ADAM32: variants seen among roughly 807,000 people sequenced by gnomAD.
ADAM32 encodes the protein ADAM metallopeptidase domain 32.
ADAM32 carries 89 observed loss-of-function variants against 114.9 expected under a neutral mutation model. That is an observed-to-expected ratio of 0.77 (90% CI 0.65 to 0.92). The LOEUF (loss-of-function observed/expected upper bound fraction) is 0.92. Ranked by LOEUF, ADAM32 falls within the 40% of genes least tolerant of loss-of-function variation. ADAM32 has a pLI of 0.00. For missense variants in ADAM32, 870 were observed against 932.8 expected (o/e 0.93, Z 0.88); for synonymous variants, 285 against 307.5 (o/e 0.93, Z 0.77).
Position 39,281,129 on chromosome 8 carries a change from T to C in ADAM32, c.2280-7T>C, listed in dbSNP as rs1042705319. 2.3e-6 allele frequency: 3 copies of C among 1,317,768 alleles called. No homozygotes were observed. The highest frequency in any genetic ancestry group is 3.0e-6 in the Non-Finnish European group (3 of 1,008,554). 81.6% of individuals were successfully genotyped at this position (1,317,768 alleles called of 1,614,324 possible). A position where few individuals can be genotyped will look rare whatever the true frequency, so the allele number is the denominator to read the frequency against. ...TTTAATATATATTGTTTTTAATTTATTTTTAGATCCAAATCAGAAGATAGT... is the reference window on the plus strand; with the variant it reads ...TTTAATATATATTGTTTTTAATTTACTTTTAGATCCAAATCAGAAGATAGT... On this transcript the variant is annotated splice_region_variant and splice_polypyrimidine_tract_variant and intron_variant, in intron 22 of 24. Transcript: ENST00000379907.
intron 23 of ADAM32, among the ~76,000 whole-genome samples, chr8:39,282,446 T>G (rs1173771577): frequency 6.6e-6 from 1 of 152,130 alleles, no homozygotes; most frequent in Non-Finnish European, 1.5e-5. Context: ...AGTAATAAAT[T>G]CAACTAGATT....
intron 22 of ADAM32, among the ~76,000 whole-genome samples, chr8:39,276,667 A>G (rs1813093064): frequency 6.6e-6 from 1 of 152,202 alleles, no homozygotes. Context: ...TACCTCTTCA[A>G]TAAGAATGCC....
At chr8:39,236,166 A>G (rs1299376320) in intron 16 of ADAM32, among the ~76,000 whole-genome samples, 1 of 152,198 alleles carries the variant, frequency 6.6e-6, no homozygotes, top group Non-Finnish European at 1.5e-5. Flanking sequence ...TCCATAATAT[A>G]ATGATAGACA....
intron 6 of ADAM32, 35 bp downstream of exon 6, chr8:39,151,583 C>T: frequency 7.4e-7 from 1 of 1,344,932 alleles, no homozygotes; most frequent in Non-Finnish European, 9.9e-7. Flanking sequence ...ACTTTTAAAG[C>T]AGTTATTACT....
At chr8:39,167,560 T>G (rs1327495558) in intron 9 of ADAM32, 1 of 152,174 alleles carries the variant, frequency 6.6e-6, no homozygotes, top group Non-Finnish European at 1.5e-5. Flanking sequence ...TTTAGAATTT[T>G]TTTTCTAATT....
At chr8:39,254,338 C>T in intron 17 of ADAM32, 76 bp from the exon 18 acceptor site, 1 of 1,230,628 alleles carries the variant, frequency 8.1e-7, no homozygotes, top group South Asian at 1.4e-5. Context: ...GATTATGGTA[C>T]AAAAGTAAGC....
intron 13 of ADAM32, 60 bp from the exon 14 acceptor site, chr8:39,222,980 T>C: frequency 2.2e-6 from 3 of 1,376,696 alleles, no homozygotes; most frequent in Non-Finnish European, 2.9e-6. Context: ...TTGAAGTAAA[T>C]ATTAACAAAC....
intron 19 of ADAM32, among the ~76,000 whole-genome samples, chr8:39,258,698 G>T (rs1169100406): frequency 6.6e-6 from 1 of 152,054 alleles, no homozygotes; most frequent in African/African-American, 2.4e-5. Context: ...TTTTAATTGT[G>T]TTGTTTCAAA....
intron 19 of ADAM32, among the ~76,000 whole-genome samples, chr8:39,270,596 G>A (rs962179056): frequency 2.0e-5 from 3 of 152,178 alleles, no homozygotes; most frequent in Admixed American, 1.3e-4. Flanking sequence ...GTCAAATCTA[G>A]ATTCTGTGTT....
chr8:39,202,464 G>A (rs1807491956), intron 11 of ADAM32, among the ~76,000 whole-genome samples: 2 of 152,042 alleles, frequency 1.3e-5, no homozygotes, highest in Admixed American at 1.3e-4. Flanking sequence ...CTGTGGGATC[G>A]GTGGTGATAT....
chr8:39,127,951 G>A (rs1292800048), intron 2 of ADAM32, among the ~76,000 whole-genome samples: 1 of 152,036 alleles, frequency 6.6e-6, no homozygotes, highest in Non-Finnish European at 1.5e-5. Context: ...CAGTTATTCA[G>A]GAACAGGTTG....
intron 6 of ADAM32, among the ~76,000 whole-genome samples, chr8:39,151,775 C>T (rs1803848862): frequency 6.6e-6 from 1 of 151,088 alleles, no homozygotes; most frequent in Non-Finnish European, 1.5e-5. Flanking sequence ...GCAATCCTCC[C>T]ACCTCAATCT....
At chr8:39,183,187 A>C (rs1195142841) in intron 10 of ADAM32, among the ~76,000 whole-genome samples, 1 of 151,720 alleles carries the variant, frequency 6.6e-6, no homozygotes, top group East Asian at 1.9e-4. Flanking sequence ...CTGGCGTGGC[A>C]CCTCCATTGG....
intron 16 of ADAM32, among the ~76,000 whole-genome samples, chr8:39,244,329 C>CAAAAACAAAACAAAATAAGAAAACCCA (rs1810755007): frequency 6.6e-6 from 1 of 151,932 alleles, no homozygotes; most frequent in African/African-American, 2.4e-5. Context: ...AGCAAAAAAA[C>CAAAAACAAAACAAAATAAGAAAACCCA]AAAAACAAAA....
At chr8:39,182,462 A>G (rs774788255) in intron 10 of ADAM32, among the ~76,000 whole-genome samples, 7 of 152,228 alleles carry the variant, frequency 4.6e-5, no homozygotes, top group Non-Finnish European at 8.8e-5. Flanking sequence ...GACTGTATAC[A>G]TTATAAAATG....
intron 22 of ADAM32, among the ~76,000 whole-genome samples, chr8:39,276,558 C>T (rs926059323): frequency 1.1e-4 from 17 of 152,132 alleles, no homozygotes; most frequent in African/African-American, 4.1e-4. Context: ...CTAGGTTGCT[C>T]CAAGCCCACT....
chr8:39,171,262 G>T lies in ADAM32; in HGVS notation c.915+1265G>T, dbSNP rs375448105. ...GCCTGGCCAGTTCTAGTATTCGATA[G>T]CACAATAGGGTGACTATAATTAACA... On this transcript the variant is annotated intron_variant, in intron 10 of 24. Transcript: ENST00000379907. 3.4e-3 allele frequency among the ~76,000 whole-genome samples: 514 copies of T among 152,144 alleles called. 7 individuals carry two copies. The highest frequency in any genetic ancestry group is 0.011 in the African/African-American group (469 of 41,480).
rs192139587 is a variant in ADAM32, at chr8:39,176,993, A to G, written c.915+6996A>G. Among the ~76,000 whole-genome samples, 6 of 151,350 alleles carry G rather than the reference A, an allele frequency of 4.0e-5. No homozygotes were observed. The East Asian group carries it at 7.7e-4, about 20-fold the overall frequency. ...GTTGGTTTAAAGTCTGTTTTGTAAG[A>G]AACTAGGATTGCAACTCCAACTTTT... On this transcript the variant is annotated intron_variant, in intron 10 of 24. Transcript: ENST00000379907.
intron 10 of ADAM32, among the ~76,000 whole-genome samples, chr8:39,180,893 A>G (rs1361877048): frequency 2.6e-5 from 4 of 152,172 alleles, no homozygotes; most frequent in South Asian, 2.1e-4. Context: ...GAGTGCACCA[A>G]TCGACACTCT....
Sources: gnomAD v4.1 joint callset for allele counts (sites outside exome capture counted in the v4.1 genomes callset) on GRCh38, gnomAD v4.1.1 for gene constraint, MANE v1.5 for transcripts, NCBI Gene and HGNC (gene_info 2026-07-23, HGNC 2026-07-21) for gene names.